EML1: variants seen among roughly 807,000 people sequenced by gnomAD.
EML1 encodes the protein echinoderm microtubule-associated protein-like 1.
In EML1, 27 loss-of-function variants were observed where a neutral mutation model predicts 110.4. The observed-to-expected ratio is 0.24, with a 90% CI of 0.18 to 0.34. EML1 has a LOEUF of 0.34. EML1 is among the 10% of genes least tolerant of loss of function. EML1 has a pLI of 1.00. For synonymous variants in EML1, 344 were observed against 385.8 expected, an observed-to-expected ratio of 0.89 and a Z score of 1.27; for missense variants, 741 against 1,030.9, an observed-to-expected ratio of 0.72 and a Z score of 3.85.
chr14:99,900,908 CTG>C lies in EML1; in HGVS notation c.898-17_898-16del. 1.2e-6 allele frequency: 2 copies of C among 1,602,776 alleles called. No individual in the cohort carries two copies. Among genetic ancestry groups the C allele is most frequent in the Non-Finnish European group, 1.7e-6 (2 of 1,169,734 alleles). The stretch of plus-strand genomic sequence containing the variant: ...TGTATCACCATCACAATTGATGGCT[CTG>C]TGTTTCTTTTCTGAACAGCAATTGC... On this transcript the variant is annotated intron_variant, in intron 8 of 21. Transcript: ENST00000262233.
At chr14:99,801,513 G>A (rs972533821) in intron 1 of EML1, among the ~76,000 whole-genome samples, 2 of 152,050 alleles carry the variant, frequency 1.3e-5, no homozygotes, top group African/African-American at 4.8e-5. Flanking sequence ...TACTCGGGAG[G>A]CTGAGGCAGG....
chr14:99,885,034 G>A (rs777076873), intron 4 of EML1, among the ~76,000 whole-genome samples: 5 of 152,222 alleles, frequency 3.3e-5, no homozygotes, highest in Non-Finnish European at 5.9e-5. Context: ...CCTTCACCAT[G>A]CTGCACACAC....
At chr14:99,922,367 C>T (rs770499420) in intron 17 of EML1, among the ~76,000 whole-genome samples, 2 of 152,174 alleles carry the variant, frequency 1.3e-5, no homozygotes, top group Non-Finnish European at 2.9e-5. Flanking sequence ...CCACCCACCT[C>T]GGCCTCCCAA....
chr14:99,892,878 G>A (rs562289067), intron 5 of EML1, among the ~76,000 whole-genome samples: 1 of 152,288 alleles, frequency 6.6e-6, no homozygotes, highest in Non-Finnish European at 1.5e-5. Flanking sequence ...TGGCAGGACT[G>A]ATTCTCTTAC....
chr14:99,748,896 T>G (rs920672191), intron 1 of EML1, among the ~76,000 whole-genome samples: 1 of 152,236 alleles, frequency 6.6e-6, no homozygotes, highest in Non-Finnish European at 1.5e-5. Flanking sequence ...ATTTTTCATA[T>G]GAGTGGAATC....
chr14:99,908,873 C>T (rs912920511), intron 10 of EML1, among the ~76,000 whole-genome samples: 2 of 152,144 alleles, frequency 1.3e-5, no homozygotes, highest in African/African-American at 4.8e-5. Flanking sequence ...CAGGGCCCTC[C>T]CTGGAGATGA....
chr14:99,835,324 A>T (rs892651886), intron 1 of EML1, among the ~76,000 whole-genome samples: 8 of 151,880 alleles, frequency 5.3e-5, no homozygotes, highest in African/African-American at 1.9e-4. Context: ...CAATTCTCTT[A>T]TTTCTGATAT....
At chr14:99,749,435 T>A (rs1486968400) in intron 1 of EML1, among the ~76,000 whole-genome samples, 4 of 152,204 alleles carry the variant, frequency 2.6e-5, no homozygotes, top group African/African-American at 4.8e-5. Context: ...TTCACGTGCT[T>A]ATTGGGCACC....
At chr14:99,854,520 G>A (rs1026436271) in intron 2 of EML1, among the ~76,000 whole-genome samples, 6 of 152,166 alleles carry the variant, frequency 3.9e-5, no homozygotes, top group African/African-American at 1.4e-4. Flanking sequence ...CGGTTGGCCT[G>A]CTTGCACCAG....
At chr14:99,799,587 A>G (rs77556404) in intron 1 of EML1, among the ~76,000 whole-genome samples, 3,191 of 152,324 alleles carry the variant, frequency 0.021, 65 homozygotes, top group Non-Finnish European at 0.03. Flanking sequence ...AGAATTTCTA[A>G]TTAGTATACT....
chr14:99,904,538 G>T (rs1318424454), intron 9 of EML1, among the ~76,000 whole-genome samples: 1 of 140,860 alleles, frequency 7.1e-6, no homozygotes, highest in East Asian at 2.0e-4. Context: ...CAAAATATTT[G>T]ATTTAAGCTT....
intron 4 of EML1, among the ~76,000 whole-genome samples, chr14:99,887,632 G>A (rs985422153): frequency 6.6e-6 from 1 of 152,136 alleles, no homozygotes; most frequent in Non-Finnish European, 1.5e-5. Flanking sequence ...ATCAAGAAAT[G>A]GGGAATCAGA....
At chr14:99,932,501 C>T (rs575308348) in intron 17 of EML1, among the ~76,000 whole-genome samples, 1 of 151,944 alleles carries the variant, frequency 6.6e-6, no homozygotes, top group Non-Finnish European at 1.5e-5. Flanking sequence ...TAGCCAGACG[C>T]GGTGGCAGGC....
At chr14:99,849,941 C>G (rs1407395196) in intron 1 of EML1, among the ~76,000 whole-genome samples, 1 of 149,256 alleles carries the variant, frequency 6.7e-6, no homozygotes, top group Non-Finnish European at 1.5e-5. Flanking sequence ...GCCTGGGCGA[C>G]CCTGTCACCC....
intron 2 of EML1, among the ~76,000 whole-genome samples, chr14:99,859,028 A>G (rs1054126739): frequency 1.3e-5 from 2 of 152,232 alleles, no homozygotes; most frequent in African/African-American, 4.8e-5. Flanking sequence ...AAAAAAATGC[A>G]TTAGTAGATT....
chr14:99,792,392 C>A (rs747833583), upstream of EML1, among the ~76,000 whole-genome samples: 1 of 152,186 alleles, frequency 6.6e-6, no homozygotes, highest in Non-Finnish European at 1.5e-5. Context: ...GTTAGATGAT[C>A]CATTTTATAT....
chr14:99,937,832 G>A lies in EML1; in HGVS notation c.2111G>A (p.Cys704Tyr), dbSNP rs370882254. 2 of 1,613,980 alleles carry A rather than the reference G, an allele frequency of 1.2e-6. No individual in the cohort carries two copies. Among genetic ancestry groups the A allele is most frequent in the African/African-American group, 2.7e-5 (2 of 74,932 alleles). ...CTTTTTGCAGGGGTTCCCTCTGCCT[G>A]TAAGCAAGTCGTAAGTGTGGAAACT... ...YEILYWVPSA[C>Y]KQVVSVETTR... Residue 704 changes from cysteine to tyrosine, a missense_variant, in exon 20 of 22, where the codon TGT (cysteine) becomes TAT (tyrosine). Coordinates refer to ENST00000262233, the MANE Select transcript of EML1 (RefSeq NM_004434.3).
intron 1 of EML1, among the ~76,000 whole-genome samples, chr14:99,749,751 T>C (rs1203566101): frequency 7.9e-5 from 12 of 152,230 alleles, no homozygotes; most frequent in Non-Finnish European, 1.8e-4. Context: ...CTGCTGGAGC[T>C]CTGATGCTCT....
At chr14:99,911,331 G>T in intron 12 of EML1, 91 bp from the exon 13 acceptor site, 1 of 1,420,046 alleles carries the variant, frequency 7.0e-7, no homozygotes, top group South Asian at 1.5e-5. Flanking sequence ...GGACAATATT[G>T]CGTTTTAAAA....
Sources: gnomAD v4.1 joint callset for allele counts (sites outside exome capture counted in the v4.1 genomes callset) on GRCh38, gnomAD v4.1.1 for gene constraint, MANE v1.5 for transcripts, NCBI Gene and HGNC (gene_info 2026-07-23, HGNC 2026-07-21) for gene names.